ATRNL1: variants seen among roughly 807,000 people sequenced by gnomAD.
ATRNL1 encodes the protein attractin-like protein 1.
A neutral mutation model predicts 182.7 loss-of-function variants in ATRNL1; 95 were observed. The ratio of observed to expected loss-of-function variants is 0.52; its 90% CI spans 0.44 to 0.62. The LOEUF (loss-of-function observed/expected upper bound fraction) is 0.62. Ranked by LOEUF, ATRNL1 falls within the 20% of genes least tolerant of loss-of-function variation. ATRNL1 has a pLI of 0.00. For synonymous variants in ATRNL1, 576 were observed against 568.3 expected (o/e 1.01, Z -0.19); for missense variants, 1,471 against 1,679.5 (o/e 0.88, Z 2.17).
rs1026831269 is a variant in ATRNL1, at chr10:115,287,933, T to G, written c.2415+1536T>G. On this transcript the variant is annotated intron_variant, in intron 15 of 28. Transcript: ENST00000355044. ...TTCTATAAGATCAACTGTTTTTTTT[T>G]TTTTTTTTTTTTTTAGCTTCCACTT... Among the ~76,000 whole-genome samples, 37 of 149,950 alleles carry G rather than the reference T, an allele frequency of 2.5e-4. 1 individual carries two copies. Among genetic ancestry groups the G allele is most frequent in the African/African-American group, 8.3e-4 (34 of 40,744 alleles).
chr10:115,387,589 A>G (rs1554953042), intron 19 of ATRNL1, among the ~76,000 whole-genome samples: 2 of 152,200 alleles, frequency 1.3e-5, no homozygotes, highest in African/African-American at 4.8e-5. Context: ...AAGAAAACCC[A>G]TAACCATTAA....
chr10:115,288,666 C>T (rs530057873), intron 15 of ATRNL1, among the ~76,000 whole-genome samples: 90 of 151,912 alleles, frequency 5.9e-4, no homozygotes, highest in Non-Finnish European at 9.0e-4. Context: ...GGATTACAGG[C>T]GTGTGCCACC....
At chr10:115,396,506 A>G (rs782634288) in intron 20 of ATRNL1, among the ~76,000 whole-genome samples, 2 of 152,054 alleles carry the variant, frequency 1.3e-5, no homozygotes, top group African/African-American at 2.4e-5. Context: ...CTTTTGCACA[A>G]TGTTCTCCTA....
intron 26 of ATRNL1, among the ~76,000 whole-genome samples, chr10:115,651,673 G>A (rs1555034373): frequency 1.3e-5 from 2 of 152,124 alleles, no homozygotes; most frequent in African/African-American, 4.8e-5. Context: ...TACAGCTTAC[G>A]AGAAATTAGA....
chr10:115,798,119 G>A (rs567223672), intron 27 of ATRNL1, among the ~76,000 whole-genome samples: 3 of 152,002 alleles, frequency 2.0e-5, no homozygotes, highest in East Asian at 3.9e-4. Flanking sequence ...GGGTTTCACC[G>A]TGTTAGCCAG....
chr10:115,904,275 CTGGATCCA>C (rs1952437180), intron 28 of ATRNL1, among the ~76,000 whole-genome samples: 1 of 152,184 alleles, frequency 6.6e-6, no homozygotes, highest in Non-Finnish European at 1.5e-5. Flanking sequence ...GCACATGGTG[CTGGATCCA>C]GAGGGGTGGC....
In ATRNL1 at chr10:115,847,978, C is replaced by A; in HGVS notation, c.4005C>A (p.Pro1335=). 3 of 1,599,256 alleles carry A rather than the reference C, an allele frequency of 1.9e-6. No homozygotes were observed. The highest frequency in any genetic ancestry group is 1.7e-6 in the Non-Finnish European group (2 of 1,166,996). ...CLPRGSSGAP[P]PGQSGLAIAS... ...CACGAGGATCATCAGGTGCCCCTCC[C>A]CCTGGGCAGTCAGGTATGATAAATG... is the stretch of plus-strand genomic sequence containing the variant. Residue 1335 remains proline, a synonymous_variant, in exon 28 of 29, where the codon CCC becomes CCA. Transcript: ENST00000355044.
chr10:115,785,972 A>C (rs1949387425), intron 27 of ATRNL1, among the ~76,000 whole-genome samples: 1 of 152,042 alleles, frequency 6.6e-6, no homozygotes, highest in Non-Finnish European at 1.5e-5. Context: ...TATGTTCTTC[A>C]TTTTCATATG....
chr10:115,923,409 G>A (rs782039499), intron 28 of ATRNL1, among the ~76,000 whole-genome samples: 21 of 152,038 alleles, frequency 1.4e-4, no homozygotes, highest in Non-Finnish European at 2.6e-4. Context: ...CTCCCTTCGC[G>A]CCCAACCCCT....
chr10:115,758,970 A>G (rs985622994), intron 27 of ATRNL1, among the ~76,000 whole-genome samples: 1 of 152,266 alleles, frequency 6.6e-6, no homozygotes, highest in Non-Finnish European at 1.5e-5. Flanking sequence ...ACTTTTGGTT[A>G]TGTAATAGTG....
At chr10:115,762,156 G>A (rs1347057015) in intron 27 of ATRNL1, among the ~76,000 whole-genome samples, 2 of 152,130 alleles carry the variant, frequency 1.3e-5, no homozygotes, top group Admixed American at 6.6e-5. Context: ...GCATGCCCCA[G>A]CCCCAGCAGA....
At chr10:115,886,328 A>C (rs1555109807) in intron 28 of ATRNL1, among the ~76,000 whole-genome samples, 1 of 152,202 alleles carries the variant, frequency 6.6e-6, no homozygotes, top group Non-Finnish European at 1.5e-5. Context: ...CAGCCTGACT[A>C]ACATGGAGAA....
At position 115,537,802 on chromosome 10, in the gene ATRNL1, T is replaced by C. The variant is rs989873437; in HGVS notation, c.3717-11656T>C. 3.0e-4 allele frequency among the ~76,000 whole-genome samples: 46 copies of C among 152,256 alleles called. 1 individual carries two copies. The highest frequency in any genetic ancestry group is 2.7e-3 in the Admixed American group (41 of 15,290). ...GTGTGAGTTTTAACACATGCATCAT[T>C]TATTATAATTACCAGCTCTCCCAGG... is the stretch of plus-strand genomic sequence containing the variant. On this transcript the variant is annotated intron_variant, in intron 25 of 28. Coordinates refer to ENST00000355044, the MANE Select transcript of ATRNL1 (RefSeq NM_207303.4).
chr10:115,519,626 G>A (rs1338383842), intron 25 of ATRNL1, among the ~76,000 whole-genome samples: 1 of 152,070 alleles, frequency 6.6e-6, no homozygotes, highest in Non-Finnish European at 1.5e-5. Flanking sequence ...AATTAACAAT[G>A]CATGCACCAC....
chr10:115,521,421 G>C (rs904887799), intron 25 of ATRNL1, among the ~76,000 whole-genome samples: 14 of 152,026 alleles, frequency 9.2e-5, no homozygotes, highest in African/African-American at 3.4e-4. Context: ...CCAAAGTGCT[G>C]GGATTACAAG....
chr10:115,477,600 A>G (rs1554973408), intron 24 of ATRNL1, among the ~76,000 whole-genome samples: 2 of 151,596 alleles, frequency 1.3e-5, no homozygotes, highest in African/African-American at 2.4e-5. Context: ...CTCTGCTCGA[A>G]GATATGGGAC....
At chr10:115,316,619 A>G (rs186070485) in intron 18 of ATRNL1, among the ~76,000 whole-genome samples, 127 of 152,224 alleles carry the variant, frequency 8.3e-4, no homozygotes, top group Non-Finnish European at 1.3e-3. Flanking sequence ...CTAGTGTGAG[A>G]TGGTATCTCA....
At chr10:115,315,142 C>T (rs1364161936) in intron 17 of ATRNL1, among the ~76,000 whole-genome samples, 4 of 152,096 alleles carry the variant, frequency 2.6e-5, no homozygotes, top group South Asian at 2.1e-4. Context: ...AATGTCCTTA[C>T]GAGGCACAAT....
intron 8 of ATRNL1, among the ~76,000 whole-genome samples, chr10:115,184,552 A>G (rs1159836779): frequency 2.6e-5 from 4 of 151,824 alleles, no homozygotes; most frequent in Non-Finnish European, 5.9e-5. Context: ...CACAGGAAAG[A>G]TAAACCAGAA....
Sources: gnomAD v4.1 joint callset for allele counts (sites outside exome capture counted in the v4.1 genomes callset) on GRCh38, gnomAD v4.1.1 for gene constraint, MANE v1.5 for transcripts, NCBI Gene and HGNC (gene_info 2026-07-23, HGNC 2026-07-21) for gene names.